The following DRD4 variants were observed in gnomAD, a reference collection of about 807,000 sequenced individuals.
DRD4 encodes D(4) dopamine receptor.
A neutral mutation model predicts 22.1 loss-of-function variants in DRD4; 26 were observed. The ratio of observed to expected loss-of-function variants is 1.17; its 90% confidence interval spans 0.86 to 1.63. DRD4 has a LOEUF of 1.63. DRD4 is among the 40% of genes most tolerant of loss of function. DRD4 has a pLI of 0.00. For synonymous variants in DRD4, 455 were observed against 306.7 expected, an observed-to-expected ratio of 1.48 and a Z score of -5.05; for missense variants, 913 against 632.4, an observed-to-expected ratio of 1.44 and a Z score of -4.76.
In DRD4 at chr11:637,526, G is replaced by A. The variant is rs139480839; in HGVS notation, c.222G>A (p.Val74=). 1.3e-3 allele frequency: 1,957 copies of A among 1,564,526 alleles called. 1 individual carries two copies. Among genetic ancestry groups the A allele is most frequent in the Non-Finnish European group, 1.6e-3 (1,847 of 1,160,298 alleles). Residue 74 remains valine (V), a synonymous_variant, in exon 1 of 4, where the codon GTG becomes GTA. Transcript: ENST00000176183. ...ALQTPTNSFI[V]SLAAADLLLA... ...AGACGCCCACCAACTCCTTCATCGT[G>A]AGCCTGGCGGCCGCCGACCTCCTCC...
rs1367191763 is a variant in DRD4 at position 640,337 on chromosome 11, GAGGA to G, written c.1057+32_1057+35del. 10 of 1,501,436 alleles carry G rather than the reference GAGGA, an allele frequency of 6.7e-6. No homozygotes were observed. In the South Asian group the frequency reaches 1.2e-4, roughly 18 times the overall value. The allele number at this position is 1,501,436 out of a possible 1,614,324, so 93.0% of individuals were successfully genotyped here. On this transcript the variant is annotated intron_variant, in intron 3 of 3. Coordinates refer to ENST00000176183, the MANE Select transcript of DRD4 (RefSeq NM_000797.4). Reference sequence around the variant, plus strand: ...TTCCTGTCCTGAGGGGCGGGGAGGAGAGGAGGGGGGGGGTACGAGGCCGGCTGGG... The same window carrying G: ...TTCCTGTCCTGAGGGGCGGGGAGGAGGGGGGGGGGTACGAGGCCGGCTGGG...
Position 640,154 on chromosome 11 carries a change from C to T in DRD4, c.905C>T (p.Pro302Leu), listed in dbSNP as rs1305106318. 3.1e-5 allele frequency: 47 copies of T among 1,508,778 alleles called. No homozygotes were observed. Among genetic ancestry groups the T allele is most frequent in the Non-Finnish European group, 3.9e-5 (44 of 1,133,246 alleles). The allele number at this position is 1,508,778 out of a possible 1,614,324, so 93.5% of individuals were successfully genotyped here. A position where few individuals can be genotyped will look rare whatever the true frequency, so the allele number is the denominator to read the frequency against. The change falls in exon 3 of 4, where the codon CCC becomes CTC. Residue 302 changes from proline to leucine, a missense_variant. Physicochemically the swap from Pro to Leu is moderately conservative, Grantham distance 98. Transcript: ENST00000176183. ...PDCAPPAPGL[P>L]PDPCGSNCAP... ...TGTGCGCCCCCCGCGCCCGGCCTCC[C>T]CCCGGACCCCTGCGGCTCCAACTGT... is the stretch of plus-strand genomic sequence containing the variant.
At chr11:639,600 T>G in intron 2 of DRD4, 48 bp from the exon 3 acceptor site, 1 of 1,298,172 alleles carries the variant, frequency 7.7e-7, no homozygotes, top group Non-Finnish European at 9.7e-7. Flanking sequence ...CCCGCCGCCC[T>G]CACCGCGGCC....
chr11:639,303 C>T, intron 1 of DRD4, 130 bp from the exon 2 acceptor site: 1 of 833,440 alleles, frequency 1.2e-6, no homozygotes, highest in South Asian at 1.4e-5. Context: ...CTGCCCGGTC[C>T]TCTGGCCTCT....
In DRD4 at chr11:640,174, A is replaced by AGGACCCCTGCGGCCCCG. The variant is rs1858194377; in HGVS notation, c.925_926insGGACCCCTGCGGCCCCG (p.Asn309ArgfsTer43). The AGGACCCCTGCGGCCCCG allele has an allele frequency of 6.7e-7, 1 of 1,492,728 alleles. No homozygotes were observed. Among genetic ancestry groups the AGGACCCCTGCGGCCCCG allele is most frequent in the Non-Finnish European group, 8.9e-7 (1 of 1,125,384 alleles). The allele number at this position is 1,492,728 out of a possible 1,614,324, so 92.5% of individuals were successfully genotyped here. A position where few individuals can be genotyped will look rare whatever the true frequency, so the allele number is the denominator to read the frequency against. ...CCTCCCCCCGGACCCCTGCGGCTCC[A>AGGACCCCTGCGGCCCCG]ACTGTGCTCCCCCCGACGCCGTCAG... On this transcript the variant is annotated frameshift_variant, in exon 3 of 4. Coordinates refer to ENST00000176183, the MANE Select transcript of DRD4 (RefSeq NM_000797.4). LOFTEE classifies it high-confidence loss of function.
intron 1 of DRD4, chr11:638,976 G>A (rs967626371): frequency 3.5e-5 from 6 of 169,922 alleles, no homozygotes; most frequent in South Asian, 3.4e-4. Context: ...CAGCTATTCG[G>A]GGGAGCTGAG....
Position 640,142 on chromosome 11 carries a change from CGCCCGGCCTCCCCCCGG to C in DRD4, c.894_910del (p.Gly300LeufsTer144). The C allele has an allele frequency of 1.4e-6, 2 of 1,469,112 alleles. No homozygotes were observed. Among genetic ancestry groups the C allele is most frequent in the Non-Finnish European group, 1.8e-6 (2 of 1,114,838 alleles). The allele number at this position is 1,469,112 out of a possible 1,614,324, so 91.0% of individuals were successfully genotyped here. A position where few individuals can be genotyped will look rare whatever the true frequency, so the allele number is the denominator to read the frequency against. On this transcript the variant is annotated frameshift_variant, in exon 3 of 4. Coordinates refer to ENST00000176183, the MANE Select transcript of DRD4 (RefSeq NM_000797.4). LOFTEE classifies it high-confidence loss of function. ...TGCGGCCCCGACTGTGCGCCCCCCG[CGCCCGGCCTCCCCCCGG>C]ACCCCTGCGGCTCCAACTGTGCTCC... is the stretch of plus-strand genomic sequence containing the variant.
rs560378041 is a variant in DRD4 at position 637,503 on chromosome 11, A to T, written c.199A>T (p.Thr67Ser). 6.4e-7 allele frequency: 1 copy of T among 1,558,408 alleles called. No individual in the cohort carries two copies. The highest frequency in any genetic ancestry group is 1.9e-5 in the Admixed American group (1 of 53,118). Reference sequence around the variant, plus strand: ...CGTGGCCACCGAGCGCGCCCTGCAGACGCCCACCAACTCCTTCATCGTGAG... The same window carrying T: ...CGTGGCCACCGAGCGCGCCCTGCAGTCGCCCACCAACTCCTTCATCGTGAG... Reference protein sequence around the residue: ...VSVATERALQTPTNSFIVSLA... With the variant: ...VSVATERALQSPTNSFIVSLA... Residue 67 changes from threonine to serine, a missense_variant, in exon 1 of 4, where the codon ACG becomes TCG. Coordinates refer to ENST00000176183, the MANE Select transcript of DRD4 (RefSeq NM_000797.4).
rs1344004674 is a variant in DRD4 at position 637,442 on chromosome 11, C to T, written c.138C>T (p.Gly46=). The part of the protein sequence containing the change: ...AALVGGVLLI[G]AVLAGNSLVC... ...TGGTGGGGGGCGTGCTGCTCATCGG[C>T]GCGGTGCTCGCGGGGAACTCGCTCG... The change falls in exon 1 of 4, where the codon GGC becomes GGT. Residue 46 remains glycine, a synonymous_variant. Coordinates refer to ENST00000176183, the MANE Select transcript of DRD4 (RefSeq NM_000797.4). 2 of 1,532,844 alleles carry T rather than the reference C, an allele frequency of 1.3e-6. No individual in the cohort carries two copies. Among genetic ancestry groups the T allele is most frequent in the Non-Finnish European group, 1.7e-6 (2 of 1,145,616 alleles). 95.0% of individuals were successfully genotyped at this position (1,532,844 alleles called of 1,614,324 possible).
Position 639,842 on chromosome 11 carries a change from T to G in DRD4, c.593T>G (p.Val198Gly). 1 of 1,586,326 alleles carries G rather than the reference T, an allele frequency of 6.3e-7. No individual in the cohort carries two copies. The highest frequency in any genetic ancestry group is 8.5e-7 in the Non-Finnish European group (1 of 1,173,948). Residue 198 changes from valine (V) to glycine (G), a missense_variant, in exon 3 of 4, where the codon GTG becomes GGG. Physicochemically the swap from Val to Gly is moderately radical, Grantham distance 109. Coordinates refer to ENST00000176183, the MANE Select transcript of DRD4 (RefSeq NM_000797.4). ...EDRDYVVYSSVCSFFLPCPLM... is the reference protein window; with the variant it reads ...EDRDYVVYSSGCSFFLPCPLM... ...CGCGACTACGTGGTCTACTCGTCCG[T>G]GTGCTCCTTCTTCCTACCCTGCCCG...
At position 637,473 on chromosome 11, in the gene DRD4, G is replaced by A. The variant is rs1199190155; in HGVS notation, c.169G>A (p.Val57Met). 1.2e-5 allele frequency: 18 copies of A among 1,539,276 alleles called. No homozygotes were observed. In the African/African-American group the frequency reaches 1.9e-4, roughly 16 times the overall value. The change falls in exon 1 of 4, where the codon GTG becomes ATG. Residue 57 changes from valine to methionine, a missense_variant. Val to Met is a conservative substitution (Grantham distance 21). Coordinates refer to ENST00000176183, the MANE Select transcript of DRD4 (RefSeq NM_000797.4). ...AVLAGNSLVC[V>M]SVATERALQT... is the part of the protein sequence containing the mutation. ...GCTCGCGGGGAACTCGCTCGTGTGC[G>A]TGAGCGTGGCCACCGAGCGCGCCCT... is the stretch of plus-strand genomic sequence containing the variant.
At chr11:639,372 GGC>G (rs71738587) in intron 1 of DRD4, 59 bp from the exon 2 acceptor site, 349,236 of 1,441,146 alleles carry the variant, frequency 0.24, 46,487 homozygotes, top group African/African-American at 0.41. Flanking sequence ...TAAGAGTGGG[GGC>G]GGGTCACAAG....
At position 640,246 on chromosome 11, in the gene DRD4, C is replaced by G; in HGVS notation, c.997C>G (p.Arg333Gly). 6.5e-7 allele frequency: 1 copy of G among 1,533,312 alleles called. No individual in the cohort carries two copies. 95.0% of individuals were successfully genotyped at this position (1,533,312 alleles called of 1,614,324 possible). ...PQTPPQTRRRRRAKITGRERK... is the reference protein window; with the variant it reads ...PQTPPQTRRRGRAKITGRERK... ...GACTCCACCGCAGACCCGCAGGAGG[C>G]GGCGTGCCAAGATCACCGGCCGGGA... Residue 333 changes from arginine to glycine, a missense_variant, in exon 3 of 4, where the codon CGG becomes GGG. By Grantham distance (125) the Arg-to-Gly change is moderately radical. Transcript: ENST00000176183.
rs960778715 is a variant in DRD4 at position 637,497 on chromosome 11, C to T, written c.193C>T (p.Leu65=). The T allele has an allele frequency of 1.9e-6, 3 of 1,554,474 alleles. No individual in the cohort carries two copies. In the South Asian group the frequency reaches 3.5e-5, roughly 18 times the overall value. ...CGTGAGCGTGGCCACCGAGCGCGCC[C>T]TGCAGACGCCCACCAACTCCTTCAT... ...VCVSVATERA[L]QTPTNSFIVS... The change falls in exon 1 of 4, where the codon CTG becomes TTG. Residue 65 remains leucine, a synonymous_variant. Coordinates refer to ENST00000176183, the MANE Select transcript of DRD4 (RefSeq NM_000797.4).
Position 640,311 on chromosome 11 carries a change from G to A in DRD4, c.1057+5G>A, listed in dbSNP as rs1391316494. The stretch of plus-strand genomic sequence containing the variant: ...GGGTCCTGCCGGTGGTGGTCGGTGG[G>A]TTCCTGTCCTGAGGGGCGGGGAGGA... On this transcript the variant is annotated splice_donor_5th_base_variant and intron_variant, in intron 3 of 3. Coordinates refer to ENST00000176183, the MANE Select transcript of DRD4 (RefSeq NM_000797.4). The A allele has an allele frequency of 1.3e-6, 2 of 1,536,712 alleles. No individual in the cohort carries two copies. The highest frequency in any genetic ancestry group is 2.7e-5 in the African/African-American group (2 of 73,706).
At chr11:639,198 T>G in intron 1 of DRD4, 1 of 535,098 alleles carries the variant, frequency 1.9e-6, no homozygotes. Context: ...CAGGCTACAG[T>G]GAGCCATGAT....
Position 639,694 on chromosome 11 carries a change from A to G in DRD4, c.445A>G (p.Ser149Gly). 1 of 1,479,408 alleles carries G rather than the reference A, an allele frequency of 6.8e-7. No individual in the cohort carries two copies. The highest frequency in any genetic ancestry group is 8.9e-7 in the Non-Finnish European group (1 of 1,120,804). 91.6% of individuals were successfully genotyped at this position (1,479,408 alleles called of 1,614,324 possible). ...GCTGCGCTACAACCGGCAGGGTGGG[A>G]GCCGCCGGCAGCTGCTGCTCATCGG... is the stretch of plus-strand genomic sequence containing the variant. Reference protein sequence around the residue: ...VPLRYNRQGGSRRQLLLIGAT... With the variant: ...VPLRYNRQGGGRRQLLLIGAT... The change falls in exon 3 of 4, where the codon AGC (serine) becomes GGC (glycine). Residue 149 changes from serine (S) to glycine (G), a missense_variant. By Grantham distance (56) the Ser-to-Gly change is moderately conservative. Coordinates refer to ENST00000176183, the MANE Select transcript of DRD4 (RefSeq NM_000797.4).
rs1858212058 is a variant in DRD4 at position 640,442 on chromosome 11, A to G, written c.1099A>G (p.Ile367Val). 6.2e-6 allele frequency: 10 copies of G among 1,601,284 alleles called. No homozygotes were observed. The highest frequency in any genetic ancestry group is 1.3e-5 in the African/African-American group (1 of 74,912). Residue 367 changes from isoleucine to valine, a missense_variant, in exon 4 of 4, where the codon ATC becomes GTC. Transcript: ENST00000176183. The stretch of plus-strand genomic sequence containing the variant: ...CTGGACGCCCTTCTTCGTGGTGCAC[A>G]TCACGCAGGCGCTGTGTCCTGCCTG... ...LCWTPFFVVH[I>V]TQALCPACSV...
chr11:639,090 CAAAAAG>C (rs1049407131), intron 1 of DRD4: 6 of 303,554 alleles, frequency 2.0e-5, no homozygotes, highest in Non-Finnish European at 3.8e-5. Context: ...TCTCAAAAAA[CAAAAAG>C]AAAAACAAAT....
Sources: allele counts gnomAD v4.1 joint callset, GRCh38; gene constraint gnomAD v4.1.1; transcripts MANE v1.5; gene names NCBI Gene and HGNC (gene_info 2026-07-23, HGNC 2026-07-21).